The following CAST variants were observed in gnomAD, a reference collection of about 807,000 sequenced individuals.
The protein encoded by CAST is MIR583 host.
CAST carries 76 observed loss-of-function variants against 119.6 expected under a neutral mutation model. The observed-to-expected ratio is 0.64, with a 90% CI of 0.53 to 0.77. The LOEUF (loss-of-function observed/expected upper bound fraction) is 0.77, where lower values mean the gene tolerates loss of function less well. Among genes scored for constraint, CAST ranks in the 30% least tolerant of loss-of-function variants. The probability of loss-of-function intolerance (pLI) is 0.00; values close to 1 mark genes in which losing one functional copy is unlikely to be tolerated. For missense variants in CAST, 953 were observed against 946.5 expected, an observed-to-expected ratio of 1.01 and a Z score of -0.09; for synonymous variants, 319 against 331.6, an observed-to-expected ratio of 0.96 and a Z score of 0.41.
chr5:96,430,153 A>G, the CAST span, among the ~76,000 whole-genome samples: 3 of 152,194 alleles, frequency 2.0e-5, no homozygotes, highest in South Asian at 6.2e-4. Context: ...AACATGCTAC[A>G]TTTAGGGCAG....
the CAST span, among the ~76,000 whole-genome samples, chr5:96,343,208 TA>T: frequency 6.6e-6 from 1 of 152,278 alleles, no homozygotes; most frequent in East Asian, 1.9e-4. Flanking sequence ...AAAATTCTTT[TA>T]GGGGGTACAC....
At chr5:96,032,967 AT>A in the CAST span, among the ~76,000 whole-genome samples, 1 of 152,178 alleles carries the variant, frequency 6.6e-6, no homozygotes, top group Non-Finnish European at 1.5e-5. Context: ...TAATAAGCAA[AT>A]TCAGTAAAGT....
intron 1 of CAST, among the ~76,000 whole-genome samples, chr5:96,607,283 G>A (rs1747277597): frequency 6.6e-6 from 1 of 152,044 alleles, no homozygotes; most frequent in Non-Finnish European, 1.5e-5. Flanking sequence ...GCGGGACTCC[G>A]TCTCAAAAAA....
In CAST at chr5:96,736,453, A is replaced by T. The variant is rs10045707; in HGVS notation, c.699+213A>T. Reference sequence around the variant, plus strand: ...CACTTGCTATTATAACCCCTTTTTTAAAAAAAAACAAACAAACTCCAGTTT... The same window carrying T: ...CACTTGCTATTATAACCCCTTTTTTTAAAAAAAACAAACAAACTCCAGTTT... On this transcript the variant is annotated intron_variant, in intron 10 of 31. Coordinates refer to ENST00000675179, the MANE Select transcript of CAST (RefSeq NM_001750.7). 0.24 allele frequency among the ~76,000 whole-genome samples: 36,997 copies of T among 151,196 alleles called. 5,110 individuals carry two copies. The highest frequency in any genetic ancestry group is 0.32 in the Non-Finnish European group (21,935 of 67,750).
At chr5:95,971,960 C>CTTTTTTTTTT in the CAST span, among the ~76,000 whole-genome samples, 1 of 136,994 alleles carries the variant, frequency 7.3e-6, no homozygotes, top group African/African-American at 2.7e-5. Flanking sequence ...TCTTTTATTT[C>CTTTTTTTTTT]TTTTTTTTTT....
the CAST span, among the ~76,000 whole-genome samples, chr5:96,405,035 G>T: frequency 1.6e-4 from 25 of 152,240 alleles, no homozygotes; most frequent in South Asian, 5.2e-3. Context: ...TGAGTGCCTT[G>T]GGATAAAGCT....
chr5:96,618,739 T>C (rs1202587367), intron 1 of CAST, among the ~76,000 whole-genome samples: 1 of 152,178 alleles, frequency 6.6e-6, no homozygotes, highest in Non-Finnish European at 1.5e-5. Flanking sequence ...GGGCCTCAGC[T>C]GCCTCCCTGC....
the CAST span, among the ~76,000 whole-genome samples, chr5:95,991,063 T>C: frequency 1.3e-5 from 2 of 152,192 alleles, no homozygotes; most frequent in Non-Finnish European, 2.9e-5. Context: ...TCTTGTGCAT[T>C]TGCTTTCCAA....
intron 1 of CAST, among the ~76,000 whole-genome samples, chr5:96,664,432 T>C (rs1032554155): frequency 3.3e-5 from 5 of 151,708 alleles, no homozygotes; most frequent in Non-Finnish European, 5.9e-5. Flanking sequence ...CACACACACA[T>C]ACAATATACT....
the CAST span, among the ~76,000 whole-genome samples, chr5:96,137,136 T>C: frequency 6.6e-6 from 1 of 152,186 alleles, no homozygotes; most frequent in Admixed American, 6.5e-5. Context: ...ATTTCAGTAA[T>C]ACAGAGGATA....
chr5:96,712,070 T>C (rs17400078), intron 3 of CAST, among the ~76,000 whole-genome samples: 5,951 of 152,334 alleles, frequency 0.039, 133 homozygotes, highest in Non-Finnish European at 0.06. Context: ...GATTGAAATA[T>C]AAGCAGCAGT....
At chr5:96,705,511 A>G (rs1485354928) in intron 3 of CAST, among the ~76,000 whole-genome samples, 1 of 152,156 alleles carries the variant, frequency 6.6e-6, no homozygotes, top group Non-Finnish European at 1.5e-5. Flanking sequence ...GTAATCAATC[A>G]TACCGTTAGC....
chr5:96,574,424 A>C (rs1253648166), intron 1 of CAST, among the ~76,000 whole-genome samples: 1 of 152,150 alleles, frequency 6.6e-6, no homozygotes, highest in African/African-American at 2.4e-5. Context: ...TTTTTTGTGT[A>C]TCTTAGGTAC....
intron 1 of CAST, among the ~76,000 whole-genome samples, chr5:96,619,342 A>C (rs550960993): frequency 6.6e-6 from 1 of 152,134 alleles, no homozygotes; most frequent in East Asian, 1.9e-4. Context: ...GATTGTAAAC[A>C]CACCAATCAG....
the CAST span, among the ~76,000 whole-genome samples, chr5:96,377,944 G>T: frequency 6.6e-6 from 1 of 152,218 alleles, no homozygotes; most frequent in Admixed American, 6.5e-5. Context: ...AAAGAAAAAT[G>T]TGGTATGTAT....
At chr5:96,103,803 T>C in the CAST span, among the ~76,000 whole-genome samples, 2 of 151,642 alleles carry the variant, frequency 1.3e-5, no homozygotes, top group African/African-American at 4.8e-5. Context: ...TTGAACTAGT[T>C]TACAGTCCCA....
chr5:96,365,920 C>T, the CAST span, among the ~76,000 whole-genome samples: 1 of 152,134 alleles, frequency 6.6e-6, no homozygotes, highest in Non-Finnish European at 1.5e-5. Flanking sequence ...TTCTTCCTAC[C>T]TTCGATGGTC....
the CAST span, among the ~76,000 whole-genome samples, chr5:96,064,200 C>T: frequency 6.6e-6 from 1 of 151,992 alleles, no homozygotes; most frequent in Non-Finnish European, 1.5e-5. Flanking sequence ...TTTTTTTCTG[C>T]TTTGACTCCA....
At chr5:96,323,772 T>C in the CAST span, among the ~76,000 whole-genome samples, 3 of 152,166 alleles carry the variant, frequency 2.0e-5, no homozygotes, top group South Asian at 6.2e-4. Flanking sequence ...GGCTATACAG[T>C]TCAATCATCT....
Sources: gnomAD v4.1 joint callset for allele counts (sites outside exome capture counted in the v4.1 genomes callset) on GRCh38, gnomAD v4.1.1 for gene constraint, MANE v1.5 for transcripts, NCBI Gene and HGNC (gene_info 2026-07-23, HGNC 2026-07-21) for gene names.